ANHX: variants seen among roughly 807,000 people sequenced by gnomAD.
ANHX encodes anomalous homeobox.
ANHX carries 20 observed loss-of-function variants against 38.9 expected under a neutral mutation model. The ratio of observed to expected loss-of-function variants is 0.51; its 90% CI spans 0.36 to 0.75. The LOEUF is 0.75. ANHX is among the 30% of genes least tolerant of loss of function. The pLI, the probability that ANHX is intolerant of heterozygous loss-of-function variation, is 0.00. For synonymous variants in ANHX, 185 were observed against 203.1 expected, an observed-to-expected ratio of 0.91 and a Z score of 0.76; for missense variants, 475 against 493.1, an observed-to-expected ratio of 0.96 and a Z score of 0.35.
chr12:133,231,742 G>C (rs1957281543), intron 2 of ANHX, 98 bp from the exon 3 acceptor site: 1 of 1,418,850 alleles, frequency 7.0e-7, no homozygotes, highest in Non-Finnish European at 9.4e-7. Flanking sequence ...CCTTGGGGAA[G>C]GCAGTGATGG....
chr12:133,227,156 C>A lies in ANHX; in HGVS notation c.502-4G>T. Reference sequence around the variant, plus strand: ...TCGTCTCCAATGCCAAGTTCTCCTGCCCCCAAACAACAAGACTTCTAGCCC... The same window carrying A: ...TCGTCTCCAATGCCAAGTTCTCCTGACCCCAAACAACAAGACTTCTAGCCC... On this transcript the variant is annotated splice_polypyrimidine_tract_variant and splice_region_variant and intron_variant, in intron 4 of 9. Coordinates refer to ENST00000545940, the MANE Select transcript of ANHX (RefSeq NM_001372060.1). 6.5e-7 allele frequency: 1 copy of A among 1,531,970 alleles called. No homozygotes were observed. 94.9% of individuals were successfully genotyped at this position (1,531,970 alleles called of 1,614,324 possible). A position where few individuals can be genotyped will look rare whatever the true frequency, so the allele number is the denominator to read the frequency against.
rs1957075010 is a variant in ANHX at position 133,219,188 on chromosome 12, C to T, written c.1365+95G>A. 3.4e-6 allele frequency: 4 copies of T among 1,179,334 alleles called. No individual in the cohort carries two copies. The South Asian group carries it at 5.3e-5, about 16-fold the overall frequency. The allele number at this position is 1,179,334 out of a possible 1,614,324, so 73.1% of individuals were successfully genotyped here. ...CTTGTTTATCTTTGCCTGGTGTATT[C>T]ACTCCAGTGGCACTAGCTGAACCCT... On this transcript the variant is annotated intron_variant, in intron 9 of 9. Transcript: ENST00000545940.
Position 133,218,710 on chromosome 12 carries a change from C to G in ANHX, c.*175G>C. ...TTCTCTACTACAGGGAATTGCTAAC[C>G]AAACTATTCAAACATGGCAGTGGGA... On this transcript the variant is annotated 3_prime_UTR_variant, in exon 10 of 10. Transcript: ENST00000545940. 2.1e-6 allele frequency: 1 copy of G among 476,834 alleles called. No homozygotes were observed. The allele number at this position is 476,834 out of a possible 1,614,324, so 29.5% of individuals were successfully genotyped here. A position where few individuals can be genotyped will look rare whatever the true frequency, so the allele number is the denominator to read the frequency against.
In ANHX at chr12:133,226,363, G is replaced by A. The variant is rs570549152; in HGVS notation, c.794C>T (p.Pro265Leu). 110 of 1,536,248 alleles carry A rather than the reference G, an allele frequency of 7.2e-5. 1 individual carries two copies. Among genetic ancestry groups the A allele is most frequent in the African/African-American group, 6.0e-4 (44 of 73,188 alleles). The change falls in exon 6 of 10, where the codon CCG (proline) becomes CTG (leucine). Residue 265 changes from proline to leucine, a missense_variant. Physicochemically the swap from Pro to Leu is moderately conservative, Grantham distance 98. Transcript: ENST00000545940. ...GACTGTCTCATCTGCGGGAAAGTCC[G>A]GGGCTAAGGCCAGTGGCTCCCATGG... The part of the protein sequence containing the change: ...QGPWEPLALA[P>L]DFPADETVSK...
rs539294139 is a variant in ANHX, at chr12:133,219,449, C to T, written c.1281-82G>A. 593 of 894,996 alleles carry T rather than the reference C, an allele frequency of 6.6e-4. 6 individuals carry two copies. The African/African-American group carries it at 9.3e-3, about 14-fold the overall frequency. The allele number at this position is 894,996 out of a possible 1,614,324, so 55.4% of individuals were successfully genotyped here. Reference sequence around the variant, plus strand: ...AAATCCACCCAGCTGTGCTTTCTCCCTCATCAGGAGACATTCTAGTACTTG... The same window carrying T: ...AAATCCACCCAGCTGTGCTTTCTCCTTCATCAGGAGACATTCTAGTACTTG... On this transcript the variant is annotated intron_variant, in intron 8 of 9. Transcript: ENST00000545940.
chr12:133,221,276 T>C lies in ANHX; in HGVS notation c.1209A>G (p.Thr403=), dbSNP rs760896826. ...EEGLGTSSGR[T]ELRVGSFLVT... is the part of the protein sequence containing the mutation. ...CCAGGAAGCTGCCCACCCGTAGCTC[T>C]GTCCGTCCACTGCTTGTGCCCAGAC... is the stretch of plus-strand genomic sequence containing the variant. Residue 403 remains threonine, a synonymous_variant, in exon 8 of 10, where the codon ACA becomes ACG. Transcript: ENST00000545940. The surrounding 1 kb of genome is among the most constrained non-coding windows in gnomAD (Gnocchi z 4.1). 2.6e-6 allele frequency: 4 copies of C among 1,536,068 alleles called. No homozygotes were observed. The highest frequency in any genetic ancestry group is 2.4e-5 in the South Asian group (2 of 84,064).
chr12:133,226,913 A>G, intron 5 of ANHX, 23 bp downstream of exon 5: 1 of 1,487,436 alleles, frequency 6.7e-7, no homozygotes. Context: ...CCACAAGGAG[A>G]CTGGGGCCCT....
intron 7 of ANHX, among the ~76,000 whole-genome samples, chr12:133,224,976 AAC>A (rs1491547446): frequency 0.093 from 13,433 of 144,418 alleles, 1,106 homozygotes; most frequent in African/African-American, 0.25. Context: ...AAAAAAAAAA[AAC>A]AAAAACAAAA....
At chr12:133,229,628 G>A (rs977143170) in intron 3 of ANHX, among the ~76,000 whole-genome samples, 4 of 152,016 alleles carry the variant, frequency 2.6e-5, no homozygotes, top group African/African-American at 9.7e-5. Flanking sequence ...CCCAGCCCTG[G>A]GCATGCCTGG....
chr12:133,229,466 C>T (rs1957236655), intron 3 of ANHX, among the ~76,000 whole-genome samples: 1 of 152,258 alleles, frequency 6.6e-6, no homozygotes, highest in Admixed American at 6.5e-5. Context: ...CCCTCATGCT[C>T]CTGGTGGTTC....
Position 133,221,838 on chromosome 12 carries a change from C to T in ANHX, c.1133-486G>A, listed in dbSNP as rs1027721555. The stretch of plus-strand genomic sequence containing the variant: ...TTCCCCTCCCTTTGACTTTCCAGAG[C>T]GTATCTCAGAACATCTCTCACTCTT... On this transcript the variant is annotated intron_variant, in intron 7 of 9. Coordinates refer to ENST00000545940, the MANE Select transcript of ANHX (RefSeq NM_001372060.1). This position sits in a 1 kb window ranked among gnomAD's most constrained non-coding sequence, Gnocchi z 4.1. Among the ~76,000 whole-genome samples, 35 of 152,146 alleles carry T rather than the reference C, an allele frequency of 2.3e-4. No homozygotes were observed. Among genetic ancestry groups the T allele is most frequent in the Admixed American group, 1.9e-3 (29 of 15,264 alleles).
chr12:133,220,390 T>TGAATGGAAAAGCTG (rs1397413048), intron 8 of ANHX, among the ~76,000 whole-genome samples: 2 of 152,174 alleles, frequency 1.3e-5, no homozygotes, highest in Non-Finnish European at 2.9e-5. Flanking sequence ...AGCCTCTGCC[T>TGAATGGAAAAGCTG]GGTCTCAGCT....
Position 133,231,628 on chromosome 12 carries a change from C to T in ANHX, c.266G>A (p.Gly89Glu). The change falls in exon 3 of 10, where the codon GGA (glycine) becomes GAA (glutamate). Residue 89 changes from glycine to glutamate, a missense_variant. Coordinates refer to ENST00000545940, the MANE Select transcript of ANHX (RefSeq NM_001372060.1). ...GAGCTGCACTAACTCCTGGCTGCCT[C>T]CCGGCACCTGGCACCCCTGCCAAGA... ...CRLLEGCQVP[G>E]GSQELVQLWN... 1 of 1,536,056 alleles carries T rather than the reference C, an allele frequency of 6.5e-7. No individual in the cohort carries two copies.
chr12:133,218,931 C>T lies in ANHX; in HGVS notation c.1406G>A (p.Trp469Ter). 6.5e-6 allele frequency: 10 copies of T among 1,534,576 alleles called. No homozygotes were observed. Among genetic ancestry groups the T allele is most frequent in the South Asian group, 1.2e-5 (1 of 83,986 alleles). The change falls in exon 10 of 10, where the codon TGG becomes TAG. Residue 469 changes from tryptophan to a stop codon, truncating the protein, a stop_gained. Coordinates refer to ENST00000545940, the MANE Select transcript of ANHX (RefSeq NM_001372060.1). LOFTEE classifies it high-confidence loss of function. ...AAACTCAAGGAGCATCCTGGCTCCCCAGAAGGCATCACCAGAGGCCTGGCT... is the reference window on the plus strand; with the variant it reads ...AAACTCAAGGAGCATCCTGGCTCCCTAGAAGGCATCACCAGAGGCCTGGCT... ...SDSQASGDAF[W>*]GARMLLEFSG...
Position 133,234,343 on chromosome 12 carries a change from A to C in ANHX, c.14T>G (p.Leu5Arg), listed in dbSNP as rs1957332080. The C allele has an allele frequency of 6.5e-7, 1 of 1,535,758 alleles. No individual in the cohort carries two copies. The highest frequency in any genetic ancestry group is 2.4e-5 in the East Asian group (1 of 40,902). Residue 5 changes from leucine to arginine, a missense_variant, in exon 2 of 10, where the codon CTG (leucine) becomes CGG (arginine). Physicochemically the swap from Leu to Arg is moderately radical, Grantham distance 102. Transcript: ENST00000545940. ...GTCCTCATGCTCCTTCAGCAGAGTC[A>C]GGAAGCTCTGCATCCTGTGCTGGGT... Reference protein sequence around the residue: MQSFLTLLKEHEDTC... With the variant: MQSFRTLLKEHEDTC...
At chr12:133,231,703 C>A in intron 2 of ANHX, 59 bp from the exon 3 acceptor site, 1 of 1,523,956 alleles carries the variant, frequency 6.6e-7, no homozygotes, top group Admixed American at 2.0e-5. Flanking sequence ...ACTGTTGGGA[C>A]CTGCATCTGC....
intron 2 of ANHX, 138 bp downstream of exon 2, chr12:133,233,970 T>C: frequency 8.7e-7 from 1 of 1,147,648 alleles, no homozygotes; most frequent in Non-Finnish European, 1.2e-6. Context: ...CCCAGGTTTT[T>C]CCAAGGCCTG....
intron 3 of ANHX, among the ~76,000 whole-genome samples, chr12:133,231,303 G>A (rs1265690632): frequency 1.3e-5 from 2 of 152,224 alleles, no homozygotes; most frequent in Non-Finnish European, 2.9e-5. Flanking sequence ...GTGGCTGGTG[G>A]AGAGTGTAGC....
Position 133,225,664 on chromosome 12 carries a change from G to A in ANHX, c.1004C>T (p.Ala335Val), listed in dbSNP as rs968931849. Among the ~76,000 whole-genome samples, 10 of 152,238 alleles carry A rather than the reference G, an allele frequency of 6.6e-5. No individual in the cohort carries two copies. Among genetic ancestry groups the A allele is most frequent in the African/African-American group, 2.4e-4 (10 of 41,472 alleles). The change falls in exon 7 of 10, where the codon GCG (alanine) becomes GTG (valine). Residue 335 changes from alanine (A) to valine (V), a missense_variant. Physicochemically the swap from Ala to Val is moderately conservative, Grantham distance 64. Coordinates refer to ENST00000545940, the MANE Select transcript of ANHX (RefSeq NM_001372060.1). ...CTGGAAGGAAACTTCCTTGGAGGAC[G>A]CCAGTGCAAGAGACATCAGCCAAGA... ...PESWLMSLAL[A>V]SSKEVSFQTG...
Sources: allele counts gnomAD v4.1 joint callset (sites outside exome capture counted in the v4.1 genomes callset), GRCh38; gene constraint gnomAD v4.1.1; non-coding constraint Gnocchi (gnomAD v3.1); transcripts MANE v1.5; gene names NCBI Gene and HGNC (gene_info 2026-07-23, HGNC 2026-07-21).